TTC17: variants seen among roughly 807,000 people sequenced by gnomAD.
The protein encoded by TTC17 is tetratricopeptide repeat domain 17, also known as tetratricopeptide repeat protein 17.
In TTC17, 58 loss-of-function variants were observed where a neutral mutation model predicts 143.8. The ratio of observed to expected loss-of-function variants is 0.40; its 90% CI spans 0.33 to 0.50. The LOEUF (loss-of-function observed/expected upper bound fraction) is 0.50, where lower values mean the gene tolerates loss of function less well. TTC17 is among the 20% of genes least tolerant of loss of function. TTC17 has a pLI of 0.49. For missense variants in TTC17, 1,273 were observed against 1,392.5 expected (o/e 0.91, Z 1.37); for synonymous variants, 501 against 497.8 (o/e 1.01, Z -0.09).
intron 10 of TTC17, among the ~76,000 whole-genome samples, chr11:43,403,537 A>G (rs918877614): frequency 3.3e-5 from 5 of 152,106 alleles, no homozygotes; most frequent in African/African-American, 1.2e-4. Context: ...TTTGTAATTG[A>G]TTGCACAACA....
At chr11:43,363,408 C>T (rs1856195568) in intron 1 of TTC17, among the ~76,000 whole-genome samples, 1 of 152,164 alleles carries the variant, frequency 6.6e-6, no homozygotes, top group Non-Finnish European at 1.5e-5. Context: ...TAGGTAGCAG[C>T]TAACAGAGAA....
At chr11:43,483,360 C>T in intron 21 of TTC17, among the ~76,000 whole-genome samples, 1 of 151,838 alleles carries the variant, frequency 6.6e-6, no homozygotes. Context: ...AAAACAAAAC[C>T]AGACATTATG....
chr11:43,406,959 G>A (rs919647290), intron 13 of TTC17, among the ~76,000 whole-genome samples, 179 bp from the exon 14 acceptor site: 3 of 152,150 alleles, frequency 2.0e-5, no homozygotes, highest in African/African-American at 4.8e-5. Flanking sequence ...TTACATACAT[G>A]TGAGCAGGTC....
chr11:43,449,918 T>G lies in TTC17; in HGVS notation c.2787-164T>G, dbSNP rs1438009582. ...ACCACTTATATCTTGGAAGAAGAAA[T>G]CCTAGAAGAAAACTTACTTCGTTTA... On this transcript the variant is annotated intron_variant, in intron 19 of 23. Transcript: ENST00000039989. The G allele has an allele frequency of 1.8e-5, 13 of 742,746 alleles. No individual in the cohort carries two copies. The Admixed American group carries it at 1.9e-4, about 11-fold the overall frequency. The allele number at this position is 742,746 out of a possible 1,614,324, so 46.0% of individuals were successfully genotyped here.
intron 2 of TTC17, among the ~76,000 whole-genome samples, chr11:43,383,510 G>A (rs768768067): frequency 1.1e-3 from 161 of 151,346 alleles, no homozygotes; most frequent in Non-Finnish European, 1.8e-3. Flanking sequence ...GTGCCACCAC[G>A]CCTGGCTAAT....
At chr11:43,431,815 C>T (rs532816521) in intron 16 of TTC17, among the ~76,000 whole-genome samples, 2 of 152,172 alleles carry the variant, frequency 1.3e-5, no homozygotes, top group Non-Finnish European at 2.9e-5. Flanking sequence ...TAGTGAGACC[C>T]CCATCTCTTA....
chr11:43,429,857 G>A (rs1947114782), intron 16 of TTC17, among the ~76,000 whole-genome samples: 1 of 152,142 alleles, frequency 6.6e-6, no homozygotes, highest in Non-Finnish European at 1.5e-5. Context: ...TTCCTGTAGG[G>A]TAACCTTTCT....
At chr11:43,365,742 T>G (rs1856310881) in intron 1 of TTC17, among the ~76,000 whole-genome samples, 1 of 152,218 alleles carries the variant, frequency 6.6e-6, no homozygotes. Flanking sequence ...AGTATCTGAT[T>G]CAGTAGGTTG....
At chr11:43,359,700 C>A (rs912189808) in intron 1 of TTC17, among the ~76,000 whole-genome samples, 2 of 152,222 alleles carry the variant, frequency 1.3e-5, no homozygotes, top group Admixed American at 1.3e-4. Context: ...CACTCCCCTT[C>A]AGAAGGAATG....
At chr11:43,426,322 C>T (rs1318958542) in intron 16 of TTC17, among the ~76,000 whole-genome samples, 1 of 152,198 alleles carries the variant, frequency 6.6e-6, no homozygotes, top group African/African-American at 2.4e-5. Flanking sequence ...GTGAGTGCAC[C>T]AGGTGACTTT....
Position 43,358,943 on chromosome 11 carries a change from C to G in TTC17, c.-12C>G. The G allele has an allele frequency of 6.4e-7, 1 of 1,567,166 alleles. No homozygotes were observed. Among genetic ancestry groups the G allele is most frequent in the Non-Finnish European group, 8.6e-7 (1 of 1,157,492 alleles). ...CCGCTTCCGGTGTGAGCGGCCCGGCCGGGGGGGCAAGATGGCGGCGGCAGT... is the reference window on the plus strand; with the variant it reads ...CCGCTTCCGGTGTGAGCGGCCCGGCGGGGGGGGCAAGATGGCGGCGGCAGT... On this transcript the variant is annotated 5_prime_UTR_variant, in exon 1 of 24. Coordinates refer to ENST00000039989, the MANE Select transcript of TTC17 (RefSeq NM_018259.6).
At chr11:43,384,252 A>C (rs892585642) in intron 2 of TTC17, among the ~76,000 whole-genome samples, 19 of 152,322 alleles carry the variant, frequency 1.2e-4, no homozygotes, top group Non-Finnish European at 8.8e-5. Flanking sequence ...AATGCTAAGC[A>C]AAAGAAAGGT....
At chr11:43,433,464 C>T (rs1947207446) in intron 16 of TTC17, among the ~76,000 whole-genome samples, 1 of 152,186 alleles carries the variant, frequency 6.6e-6, no homozygotes, top group Non-Finnish European at 1.5e-5. Context: ...CCCGATTCTT[C>T]TTCTCCTCTC....
intron 1 of TTC17, among the ~76,000 whole-genome samples, chr11:43,360,693 G>A (rs1033862874): frequency 5.3e-5 from 8 of 151,644 alleles, no homozygotes; most frequent in African/African-American, 1.9e-4. Context: ...ACATTGCAAT[G>A]GGAAAGTAGA....
chr11:43,408,576 C>T (rs767212784), intron 15 of TTC17, among the ~76,000 whole-genome samples: 12 of 152,120 alleles, frequency 7.9e-5, no homozygotes, highest in Non-Finnish European at 1.5e-4. Flanking sequence ...CTGTTTTCAG[C>T]CAAGGGACTT....
intron 1 of TTC17, among the ~76,000 whole-genome samples, chr11:43,365,483 G>T (rs1450085142): frequency 1.3e-5 from 2 of 152,096 alleles, no homozygotes; most frequent in African/African-American, 4.8e-5. Context: ...CACCCAGGCT[G>T]ATCTTGATCT....
intron 16 of TTC17, among the ~76,000 whole-genome samples, chr11:43,436,598 A>G (rs1947298466): frequency 6.6e-6 from 1 of 152,202 alleles, no homozygotes. Flanking sequence ...TGAGTAAATC[A>G]TTATAAAAGG....
At chr11:43,416,347 TTC>T (rs746226389) in intron 16 of TTC17, among the ~76,000 whole-genome samples, 160 of 152,292 alleles carry the variant, frequency 1.1e-3, no homozygotes, top group Non-Finnish European at 1.7e-3. Flanking sequence ...TGAAATTTAT[TTC>T]TGTTTTTGAG....
chr11:43,440,785 C>T (rs529849348), intron 16 of TTC17, among the ~76,000 whole-genome samples: 8 of 152,266 alleles, frequency 5.3e-5, no homozygotes, highest in Non-Finnish European at 7.4e-5. Flanking sequence ...AAATCCTCTT[C>T]GTGACTTTCC....
Sources: gnomAD v4.1 joint callset for allele counts (sites outside exome capture counted in the v4.1 genomes callset) on GRCh38, gnomAD v4.1.1 for gene constraint, MANE v1.5 for transcripts, NCBI Gene and HGNC (gene_info 2026-07-23, HGNC 2026-07-21) for gene names.